The following SHROOM3 variants were observed in gnomAD, a reference collection of about 807,000 sequenced individuals.
SHROOM3 encodes the protein protein Shroom3.
SHROOM3 carries 47 observed loss-of-function variants against 138.6 expected under a neutral mutation model. The observed-to-expected ratio is 0.34, with a 90% CI of 0.27 to 0.43. The LOEUF is 0.43. Ranked by LOEUF, SHROOM3 falls within the 20% of genes least tolerant of loss-of-function variation. The probability of loss-of-function intolerance (pLI) is 1.00; values close to 1 mark genes in which losing one functional copy is unlikely to be tolerated. For synonymous variants in SHROOM3, 1,062 were observed against 1,063.3 expected, an observed-to-expected ratio of 1.00 and a Z score of 0.02; for missense variants, 2,491 against 2,596.5, an observed-to-expected ratio of 0.96 and a Z score of 0.88.
intron 1 of SHROOM3, among the ~76,000 whole-genome samples, chr4:76,461,188 A>T (rs1731135666): frequency 6.6e-6 from 1 of 152,182 alleles, no homozygotes; most frequent in East Asian, 1.9e-4. Flanking sequence ...TTCAACCCCT[A>T]ACATAATGCT....
intron 2 of SHROOM3, among the ~76,000 whole-genome samples, chr4:76,619,885 A>G (rs1298538575): frequency 6.6e-6 from 1 of 151,988 alleles, no homozygotes; most frequent in African/African-American, 2.4e-5. Context: ...AACATGGCAA[A>G]ACCCTGTCTC....
At chr4:76,499,762 C>T (rs1171990001) in intron 1 of SHROOM3, among the ~76,000 whole-genome samples, 2 of 152,066 alleles carry the variant, frequency 1.3e-5, no homozygotes, top group Admixed American at 6.5e-5. Flanking sequence ...AAGTAACATT[C>T]GAGAGGTTTT....
At chr4:76,683,086 A>G (rs1719244400) in intron 2 of SHROOM3, among the ~76,000 whole-genome samples, 1 of 152,226 alleles carries the variant, frequency 6.6e-6, no homozygotes, top group African/African-American at 2.4e-5. Context: ...AAAGCCTCTG[A>G]TAACAAGTAT....
chr4:76,567,494 C>T (rs940927268), intron 2 of SHROOM3, among the ~76,000 whole-genome samples: 3 of 152,042 alleles, frequency 2.0e-5, no homozygotes, highest in African/African-American at 4.8e-5. Context: ...ATTAAAAATA[C>T]AAAAAATTAG....
At chr4:76,477,562 T>C (rs1406130824) in intron 1 of SHROOM3, among the ~76,000 whole-genome samples, 1 of 152,206 alleles carries the variant, frequency 6.6e-6, no homozygotes, top group Non-Finnish European at 1.5e-5. Flanking sequence ...ATATTGTTTG[T>C]ATAGGTGGTA....
intron 9 of SHROOM3, among the ~76,000 whole-genome samples, chr4:76,767,627 G>A (rs1350681596): frequency 1.3e-5 from 2 of 152,062 alleles, no homozygotes; most frequent in East Asian, 1.9e-4. Context: ...GCAGTGAGCC[G>A]AGATCACGCC....
chr4:76,551,778 AAAT>A, intron 1 of SHROOM3, among the ~76,000 whole-genome samples: 1 of 152,148 alleles, frequency 6.6e-6, no homozygotes, highest in Non-Finnish European at 1.5e-5. Context: ...AGCAGTATAA[AAAT>A]AATAAACTAT....
At chr4:76,648,565 A>C (rs1238827367) in intron 2 of SHROOM3, among the ~76,000 whole-genome samples, 1 of 151,896 alleles carries the variant, frequency 6.6e-6, no homozygotes, top group Non-Finnish European at 1.5e-5. Flanking sequence ...TGATGGAGTC[A>C]TGTTTATATG....
At chr4:76,566,070 C>A (rs1162417599) in intron 2 of SHROOM3, among the ~76,000 whole-genome samples, 1 of 145,308 alleles carries the variant, frequency 6.9e-6, no homozygotes, top group Non-Finnish European at 1.5e-5. Context: ...GATCGGGCCA[C>A]TGCACTCTAG....
chr4:76,471,784 A>G (rs538245893), intron 1 of SHROOM3, among the ~76,000 whole-genome samples: 1 of 152,322 alleles, frequency 6.6e-6, no homozygotes, highest in South Asian at 2.1e-4. Flanking sequence ...ATCTGAAGAA[A>G]CATCTGAGAG....
At chr4:76,628,364 T>C (rs753302085) in intron 2 of SHROOM3, among the ~76,000 whole-genome samples, 2 of 152,238 alleles carry the variant, frequency 1.3e-5, no homozygotes, top group Non-Finnish European at 2.9e-5. Flanking sequence ...AGGTGTATCA[T>C]TATTTGTCTC....
Position 76,741,944 on chromosome 4 carries a change from G to T in SHROOM3, c.3753+18G>T. 1 of 1,610,148 alleles carries T rather than the reference G, an allele frequency of 6.2e-7. No individual in the cohort carries two copies. The highest frequency in any genetic ancestry group is 1.3e-5 in the African/African-American group (1 of 74,944). Reference sequence around the variant, plus strand: ...AGCGCCAGGTACGTGCAACCAGCAAGTCCTGGCCTCGAACTGTCCCTTCCT... The same window carrying T: ...AGCGCCAGGTACGTGCAACCAGCAATTCCTGGCCTCGAACTGTCCCTTCCT... On this transcript the variant is annotated intron_variant, in intron 5 of 10. Coordinates refer to ENST00000296043, the MANE Select transcript of SHROOM3 (RefSeq NM_020859.4). The surrounding 1 kb of genome is among the most constrained non-coding windows in gnomAD (Gnocchi z 6.2).
At chr4:76,586,438 A>G in intron 2 of SHROOM3, 2 of 985,494 alleles carry the variant, frequency 2.0e-6, no homozygotes, top group South Asian at 4.7e-5. Context: ...AACTGAGGAC[A>G]ATGGACCTGC....
chr4:76,550,546 A>C (rs1475876000), intron 1 of SHROOM3, among the ~76,000 whole-genome samples: 1 of 152,240 alleles, frequency 6.6e-6, no homozygotes, highest in Non-Finnish European at 1.5e-5. Flanking sequence ...GGCCTTCTAC[A>C]AAAGATCACT....
chr4:76,580,344 A>G (rs1734023138), intron 2 of SHROOM3, among the ~76,000 whole-genome samples: 1 of 152,196 alleles, frequency 6.6e-6, no homozygotes, highest in Non-Finnish European at 1.5e-5. Context: ...AGTTGCCGTA[A>G]ATCCAATATG....
chr4:76,531,474 G>C (rs1458640851), intron 1 of SHROOM3, among the ~76,000 whole-genome samples: 1 of 152,256 alleles, frequency 6.6e-6, no homozygotes, highest in East Asian at 1.9e-4. Context: ...AGTGCACCAC[G>C]AAGGGTTTAC....
At chr4:76,778,137 T>C (rs1270591584) in intron 10 of SHROOM3, among the ~76,000 whole-genome samples, 1 of 152,106 alleles carries the variant, frequency 6.6e-6, no homozygotes, top group Non-Finnish European at 1.5e-5. Flanking sequence ...TTCTAACAAT[T>C]TCCCAGGTGA....
intron 1 of SHROOM3, among the ~76,000 whole-genome samples, chr4:76,490,159 TG>T (rs1408568956): frequency 2.6e-5 from 4 of 152,186 alleles, no homozygotes; most frequent in Admixed American, 1.3e-4. Context: ...TGCAAACATC[TG>T]GTTGGTTGCA....
At chr4:76,548,840 C>T (rs1390406230) in intron 1 of SHROOM3, among the ~76,000 whole-genome samples, 4 of 152,208 alleles carry the variant, frequency 2.6e-5, no homozygotes, top group Admixed American at 6.5e-5. Flanking sequence ...TGCGGATATA[C>T]ACCCTCTCCT....
Sources: allele counts gnomAD v4.1 joint callset (sites outside exome capture counted in the v4.1 genomes callset), GRCh38; gene constraint gnomAD v4.1.1; non-coding constraint Gnocchi (gnomAD v3.1); transcripts MANE v1.5; gene names NCBI Gene and HGNC (gene_info 2026-07-23, HGNC 2026-07-21).